The following CNKSR3 variants were observed in gnomAD, a reference collection of about 807,000 sequenced individuals.
CNKSR3 encodes the protein connector enhancer of kinase suppressor of ras 3.
In CNKSR3, 36 loss-of-function variants were observed where a neutral mutation model predicts 67.7. That is an observed-to-expected ratio of 0.53 (90% CI 0.41 to 0.70). The LOEUF (loss-of-function observed/expected upper bound fraction) is 0.70. Among genes scored for constraint, CNKSR3 ranks in the 30% least tolerant of loss-of-function variants. CNKSR3 has a pLI of 0.00. For synonymous variants in CNKSR3, 281 were observed against 271.4 expected, an observed-to-expected ratio of 1.04 and a Z score of -0.35; for missense variants, 630 against 695.2, an observed-to-expected ratio of 0.91 and a Z score of 1.05.
In CNKSR3 at chr6:154,404,744, A is replaced by T. The variant is rs1437291062; in HGVS notation, c.*1610T>A. On this transcript the variant is annotated 3_prime_UTR_variant, in exon 13 of 13. Coordinates refer to ENST00000607772, the MANE Select transcript of CNKSR3 (RefSeq NM_173515.4). ...CTACATGGGAGGCTGAGGCAGGAGA[A>T]TCGCTTGAACCTGGAAGGTGGAGGT... 6.6e-6 allele frequency: 1 copy of T among 152,352 alleles called. No individual in the cohort carries two copies. Among genetic ancestry groups the T allele is most frequent in the African/African-American group, 2.4e-5 (1 of 41,446 alleles). 9.4% of individuals were successfully genotyped at this position (152,352 alleles called of 1,614,324 possible).
chr6:154,458,579 T>C (rs1786007211), intron 1 of CNKSR3, among the ~76,000 whole-genome samples: 1 of 151,936 alleles, frequency 6.6e-6, no homozygotes, highest in South Asian at 2.1e-4. Context: ...CCAAAAAAAG[T>C]TCCCTCGGGC....
chr6:154,424,699 G>A (rs915528775), intron 7 of CNKSR3, among the ~76,000 whole-genome samples: 2 of 152,140 alleles, frequency 1.3e-5, no homozygotes, highest in Non-Finnish European at 2.9e-5. Context: ...ACCTGCTACC[G>A]TACCCGACAG....
chr6:154,471,086 A>G (rs972259867), intron 1 of CNKSR3, among the ~76,000 whole-genome samples: 1 of 152,234 alleles, frequency 6.6e-6, no homozygotes, highest in African/African-American at 2.4e-5. Flanking sequence ...AAAAAAATCC[A>G]TATTACGCCA....
At chr6:154,438,738 T>C (rs1466369711) in intron 4 of CNKSR3, among the ~76,000 whole-genome samples, 1 of 152,182 alleles carries the variant, frequency 6.6e-6, no homozygotes, top group African/African-American at 2.4e-5. Context: ...ACAAAACTAA[T>C]ACCTCTTGTG....
chr6:154,490,378 T>TA, intron 1 of CNKSR3, among the ~76,000 whole-genome samples: 1 of 152,214 alleles, frequency 6.6e-6, no homozygotes, highest in East Asian at 1.9e-4. Context: ...AATACACATG[T>TA]ATGCATATTT....
chr6:154,416,966 C>T (rs964472498), intron 9 of CNKSR3, among the ~76,000 whole-genome samples: 53 of 152,304 alleles, frequency 3.5e-4, no homozygotes, highest in African/African-American at 1.2e-3. Context: ...CAGAGAACAT[C>T]GCAGTGTCTC....
chr6:154,438,260 A>G (rs1004044330), intron 4 of CNKSR3, among the ~76,000 whole-genome samples: 3 of 151,252 alleles, frequency 2.0e-5, no homozygotes, highest in African/African-American at 7.3e-5. Context: ...TGGCTCCTAC[A>G]TTCCCTCCCT....
chr6:154,484,089 T>C (rs2114641763), intron 1 of CNKSR3, among the ~76,000 whole-genome samples: 1 of 152,336 alleles, frequency 6.6e-6, no homozygotes, highest in Admixed American at 6.5e-5. Flanking sequence ...AATTTGGTTC[T>C]AGTCTAGGTC....
rs773533317 is a variant in CNKSR3, at chr6:154,415,227, C to CTTTTTTTTTTTTTTTTTTTTTTTT, written c.946-805_946-804insAAAAAAAAAAAAAAAAAAAAAAAA. Among the ~76,000 whole-genome samples the CTTTTTTTTTTTTTTTTTTTTTTTT allele has an allele frequency of 4.9e-4, 55 of 112,774 alleles. 4 individuals are homozygous for CTTTTTTTTTTTTTTTTTTTTTTTT. The highest frequency in any genetic ancestry group is 7.2e-4 in the East Asian group (2 of 2,770). 74.0% of individuals were successfully genotyped at this position (112,774 alleles called of 152,430 possible). A position where few individuals can be genotyped will look rare whatever the true frequency, so the allele number is the denominator to read the frequency against. On this transcript the variant is annotated intron_variant, in intron 9 of 12. Transcript: ENST00000607772. ...ATCCTGGCTAGACTTACTAGCTGCCCATTTTTTTTTTTTTTTTTTTTAAGA... is the reference window on the plus strand; with the variant it reads ...ATCCTGGCTAGACTTACTAGCTGCCCTTTTTTTTTTTTTTTTTTTTTTTTATTTTTTTTTTTTTTTTTTTTAAGA...
intron 1 of CNKSR3, among the ~76,000 whole-genome samples, chr6:154,497,047 T>A (rs1040992483): frequency 6.6e-6 from 1 of 152,100 alleles, no homozygotes; most frequent in Non-Finnish European, 1.5e-5. Context: ...AATGAGATAA[T>A]GCATGGGAAG....
At chr6:154,406,999 T>C (rs1291506992) in intron 12 of CNKSR3, among the ~76,000 whole-genome samples, 1 of 151,726 alleles carries the variant, frequency 6.6e-6, no homozygotes. Context: ...CAGTGCTCTT[T>C]GGAGGGCCCT....
At chr6:154,438,042 C>T (rs532461659) in intron 4 of CNKSR3, among the ~76,000 whole-genome samples, 40 of 152,202 alleles carry the variant, frequency 2.6e-4, no homozygotes, top group African/African-American at 8.4e-4. Context: ...GTGATCCACC[C>T]GCCTCGGCCT....
intron 1 of CNKSR3, among the ~76,000 whole-genome samples, chr6:154,480,300 A>T (rs1407600895): frequency 6.6e-6 from 1 of 152,182 alleles, no homozygotes; most frequent in Non-Finnish European, 1.5e-5. Flanking sequence ...CACTTTGCAG[A>T]TGTGAAAGCA....
intron 1 of CNKSR3, among the ~76,000 whole-genome samples, chr6:154,495,031 G>C (rs1191096087): frequency 1.3e-5 from 2 of 152,196 alleles, no homozygotes; most frequent in African/African-American, 4.8e-5. Flanking sequence ...GCATTGTACA[G>C]AAATAATTCC....
In CNKSR3 at chr6:154,462,505, C is replaced by A. The variant is rs184812862; in HGVS notation, c.53-12247G>T. Among the ~76,000 whole-genome samples the A allele has an allele frequency of 5.3e-3, 807 of 152,286 alleles. 3 individuals carry two copies. Among genetic ancestry groups the A allele is most frequent in the Non-Finnish European group, 7.3e-3 (497 of 68,026 alleles). ...CTTAATGCACAACTTCAATGCTCTT[C>A]CCTTGCTCCAAGCCCTACTGGCTTC... On this transcript the variant is annotated intron_variant, in intron 1 of 12. Transcript: ENST00000607772.
rs554123837 is a variant in CNKSR3, at chr6:154,408,736, C to T, written c.1369+1607G>A. On this transcript the variant is annotated intron_variant, in intron 12 of 12. Coordinates refer to ENST00000607772, the MANE Select transcript of CNKSR3 (RefSeq NM_173515.4). ...TACAACTCCGTGAATATACTAAAAC[C>T]CACCTGACTGTATATTTTAAAAAGC... Among the ~76,000 whole-genome samples the T allele has an allele frequency of 2.4e-4, 37 of 152,218 alleles. No homozygotes were observed. In the South Asian group the frequency reaches 6.8e-3, roughly 28 times the overall value.
At position 154,387,771 on chromosome 6, in the gene CNKSR3, T is replaced by C. The variant is rs768485192; in HGVS notation, c.*18583A>G. On this transcript the variant is annotated 3_prime_UTR_variant, in exon 13 of 13. Transcript: ENST00000607772. Reference sequence around the variant, plus strand: ...ATGCTTTTTGAAAAATCAGGCCTTATTTAAAAAGAAAAATGTTCTATCATC... The same window carrying C: ...ATGCTTTTTGAAAAATCAGGCCTTACTTAAAAAGAAAAATGTTCTATCATC... 6.6e-6 allele frequency: 1 copy of C among 152,218 alleles called. No individual in the cohort carries two copies. The highest frequency in any genetic ancestry group is 1.5e-5 in the Non-Finnish European group (1 of 68,036). 9.4% of individuals were successfully genotyped at this position (152,218 alleles called of 1,614,324 possible).
At position 154,419,484 on chromosome 6, in the gene CNKSR3, T is replaced by C. The variant is rs188137838; in HGVS notation, c.945+3022A>G. Among the ~76,000 whole-genome samples the C allele has an allele frequency of 9.5e-4, 145 of 152,246 alleles. 1 individual carries two copies. Among genetic ancestry groups the C allele is most frequent in the Non-Finnish European group, 5.9e-4 (40 of 68,006 alleles). On this transcript the variant is annotated intron_variant, in intron 9 of 12. Transcript: ENST00000607772. ...CTGGCACCTGTTGGAATGGCTACTA[T>C]CAAAACACAAAAGGTAAGTGGTGAT...
At chr6:154,477,621 G>A (rs569028287) in intron 1 of CNKSR3, among the ~76,000 whole-genome samples, 1 of 152,152 alleles carries the variant, frequency 6.6e-6, no homozygotes, top group South Asian at 2.1e-4. Flanking sequence ...GTGTCTGGCT[G>A]CTTCTCTGTA....
Sources: allele counts gnomAD v4.1 joint callset (sites outside exome capture counted in the v4.1 genomes callset), GRCh38; gene constraint gnomAD v4.1.1; transcripts MANE v1.5; gene names NCBI Gene and HGNC (gene_info 2026-07-23, HGNC 2026-07-21).